The following ITGB8 variants were observed in gnomAD, a reference collection of about 807,000 sequenced individuals.
The protein encoded by ITGB8 is integrin beta-8.
ITGB8 carries 30 observed loss-of-function variants against 89.5 expected under a neutral mutation model. The ratio of observed to expected loss-of-function variants is 0.34; its 90% CI spans 0.25 to 0.45. The LOEUF is 0.45. Among genes scored for constraint, ITGB8 ranks in the 20% least tolerant of loss-of-function variants. The pLI, the probability that ITGB8 is intolerant of heterozygous loss-of-function variation, is 1.00. For missense variants in ITGB8, 836 were observed against 933.3 expected, an observed-to-expected ratio of 0.90 and a Z score of 1.36; for synonymous variants, 335 against 320.4, an observed-to-expected ratio of 1.05 and a Z score of -0.49.
chr7:20,348,108 C>T (rs1181432677), intron 1 of ITGB8, among the ~76,000 whole-genome samples: 1 of 152,114 alleles, frequency 6.6e-6, no homozygotes, highest in African/African-American at 2.4e-5. Context: ...TTATTTAGAT[C>T]TTCTCTATAA....
chr7:20,341,447 C>G (rs1011954429), intron 1 of ITGB8, among the ~76,000 whole-genome samples: 1 of 152,088 alleles, frequency 6.6e-6, no homozygotes, highest in African/African-American at 2.4e-5. Flanking sequence ...TGAGGGCCAA[C>G]GTATATAATC....
In ITGB8 at chr7:20,412,332, T is replaced by C. The variant is rs1787791479; in HGVS notation, c.*2335T>C. 6.6e-6 allele frequency: 1 copy of C among 152,606 alleles called. No homozygotes were observed. The highest frequency in any genetic ancestry group is 2.1e-4 in the South Asian group (1 of 4,828). 9.5% of individuals were successfully genotyped at this position (152,606 alleles called of 1,614,324 possible). A position where few individuals can be genotyped will look rare whatever the true frequency, so the allele number is the denominator to read the frequency against. The stretch of plus-strand genomic sequence containing the variant: ...AAAATAATGTAAAAATTGGGTTTAG[T>C]AGCCTAATACACATAACGTTCTTCT... On this transcript the variant is annotated 3_prime_UTR_variant, in exon 14 of 14. Coordinates refer to ENST00000222573, the MANE Select transcript of ITGB8 (RefSeq NM_002214.3).
intron 12 of ITGB8, among the ~76,000 whole-genome samples, chr7:20,406,413 AGTGGCGGGCACCT>A (rs1011081789): frequency 3.2e-4 from 48 of 152,130 alleles, no homozygotes; most frequent in African/African-American, 1.1e-3. Flanking sequence ...GGCCAGGCGC[AGTGGCGGGCACCT>A]GTAGTCCCAC....
In ITGB8 at chr7:20,384,278, A is replaced by G. The variant is rs576328723; in HGVS notation, c.960+2393A>G. Among the ~76,000 whole-genome samples, 7 of 147,502 alleles carry G rather than the reference A, an allele frequency of 4.7e-5. 1 individual carries two copies. The East Asian group carries it at 1.4e-3, about 30-fold the overall frequency. ...GCCAATGCCAATAATGTTGAATGGT[A>G]TCTGAGTTTCTTGATTCAAGAGTCT... On this transcript the variant is annotated intron_variant, in intron 6 of 13. Coordinates refer to ENST00000222573, the MANE Select transcript of ITGB8 (RefSeq NM_002214.3).
rs760266131 is a variant in ITGB8 at position 20,409,688 on chromosome 7, T to C, written c.2097T>C (p.Leu699=). 1.6e-5 allele frequency: 25 copies of C among 1,610,464 alleles called. No individual in the cohort carries two copies. Among genetic ancestry groups the C allele is most frequent in the Non-Finnish European group, 1.7e-6 (2 of 1,177,412 alleles). Residue 699 remains leucine, a synonymous_variant, in exon 13 of 14, where the codon CTT becomes CTC. Transcript: ENST00000222573. The stretch of plus-strand genomic sequence containing the variant: ...TAGTTACATTCTTGATTGGGTTGCT[T>C]AAAGTCCTGATCATTAGACAGGTGA... ...IFIVTFLIGL[L]KVLIIRQVIL... is the part of the protein sequence containing the mutation.
At chr7:20,344,053 A>AC (rs1383805875) in intron 1 of ITGB8, among the ~76,000 whole-genome samples, 1 of 152,138 alleles carries the variant, frequency 6.6e-6, no homozygotes, top group Non-Finnish European at 1.5e-5. Flanking sequence ...TTCACATTGG[A>AC]CTAGTTGCTA....
At chr7:20,404,943 T>C (rs534616301) in intron 11 of ITGB8, 90 bp downstream of exon 11, 3 of 1,088,202 alleles carry the variant, frequency 2.8e-6, no homozygotes, top group South Asian at 2.6e-5. Flanking sequence ...CGTTGCCAGA[T>C]ACATTGTGAC....
intron 1 of ITGB8, among the ~76,000 whole-genome samples, chr7:20,356,358 T>C (rs1785294324): frequency 6.6e-6 from 1 of 152,186 alleles, no homozygotes. Context: ...GATTCAGTAA[T>C]CAAGTAATGT....
intron 3 of ITGB8, among the ~76,000 whole-genome samples, chr7:20,378,829 G>A (rs1786259014): frequency 6.6e-6 from 1 of 152,018 alleles, no homozygotes; most frequent in Admixed American, 6.5e-5. Context: ...ATGAACTGTA[G>A]GATTTGGAGA....
At chr7:20,407,962 CT>C (rs933614530) in intron 12 of ITGB8, among the ~76,000 whole-genome samples, 21 of 152,180 alleles carry the variant, frequency 1.4e-4, no homozygotes, top group African/African-American at 5.1e-4. Flanking sequence ...GGGGCTGCCC[CT>C]CCCTTCACAA....
chr7:20,355,473 T>G (rs1785260317), intron 1 of ITGB8, among the ~76,000 whole-genome samples: 1 of 152,188 alleles, frequency 6.6e-6, no homozygotes, highest in Non-Finnish European at 1.5e-5. Context: ...GAATTGAACA[T>G]TATTGTACTA....
intron 6 of ITGB8, 52 bp from the exon 7 acceptor site, chr7:20,391,351 A>T (rs1786845264): frequency 2.1e-6 from 2 of 935,716 alleles, no homozygotes; most frequent in East Asian, 5.1e-5. Flanking sequence ...ATGTTTGAAT[A>T]GGATGGAGCT....
intron 6 of ITGB8, among the ~76,000 whole-genome samples, chr7:20,384,384 C>A (rs1786522060): frequency 6.6e-6 from 1 of 152,110 alleles, no homozygotes; most frequent in Non-Finnish European, 1.5e-5. Flanking sequence ...AGTTCTGTTG[C>A]TTATACATAT....
chr7:20,330,542 C>G (rs1784339529), upstream of ITGB8, among the ~76,000 whole-genome samples: 1 of 152,164 alleles, frequency 6.6e-6, no homozygotes, highest in African/African-American at 2.4e-5. Flanking sequence ...TGCGCGGCTA[C>G]GCTTCAGGAG....
intron 12 of ITGB8, among the ~76,000 whole-genome samples, chr7:20,406,910 G>A (rs535467021): frequency 4.2e-4 from 64 of 152,254 alleles, no homozygotes; most frequent in Non-Finnish European, 7.6e-4. Flanking sequence ...AAAGTACTAG[G>A]AAGGAATGGC....
At chr7:20,397,145 A>G (rs1157321976) in intron 8 of ITGB8, among the ~76,000 whole-genome samples, 1 of 152,140 alleles carries the variant, frequency 6.6e-6, no homozygotes, top group African/African-American at 2.4e-5. Context: ...GAATCCCCAA[A>G]CTGGGCAAAA....
intron 1 of ITGB8, among the ~76,000 whole-genome samples, chr7:20,345,138 A>G (rs916938028): frequency 6.6e-6 from 1 of 152,184 alleles, no homozygotes; most frequent in African/African-American, 2.4e-5. Flanking sequence ...TGCTGAGCCA[A>G]TTCCCAGGGC....
chr7:20,331,671 G>A lies in ITGB8; in HGVS notation c.-136G>A, dbSNP rs1401602118. On this transcript the variant is annotated 5_prime_UTR_variant, in exon 1 of 14. Coordinates refer to ENST00000222573, the MANE Select transcript of ITGB8 (RefSeq NM_002214.3). ...TTACCTGCACCGCTTGCTCCGAGCC[G>A]CGGGGTCCGCCTGCTAGGCCTGCGG... The A allele has an allele frequency of 3.7e-6, 4 of 1,087,694 alleles. No homozygotes were observed. The highest frequency in any genetic ancestry group is 5.0e-6 in the Non-Finnish European group (4 of 801,012). 67.4% of individuals were successfully genotyped at this position (1,087,694 alleles called of 1,614,324 possible). A position where few individuals can be genotyped will look rare whatever the true frequency, so the allele number is the denominator to read the frequency against.
chr7:20,367,227 T>G, intron 3 of ITGB8, 41 bp downstream of exon 3: 2 of 1,438,258 alleles, frequency 1.4e-6, no homozygotes, highest in East Asian at 2.3e-5. Context: ...ATTCTTAACT[T>G]GAAATTGCAA....
Sources: allele counts gnomAD v4.1 joint callset (sites outside exome capture counted in the v4.1 genomes callset), GRCh38; gene constraint gnomAD v4.1.1; transcripts MANE v1.5; gene names NCBI Gene and HGNC (gene_info 2026-07-23, HGNC 2026-07-21).